Variants in DCLK2 observed in about 807,000 individuals in gnomAD.
DCLK2 encodes the protein doublecortin like kinase 2, also known as serine/threonine-protein kinase DCLK2.
A neutral mutation model predicts 78.4 loss-of-function variants in DCLK2; 31 were observed. The ratio of observed to expected loss-of-function variants is 0.40; its 90% confidence interval spans 0.30 to 0.53. The LOEUF (loss-of-function observed/expected upper bound fraction) is 0.53, where lower values mean the gene tolerates loss of function less well. DCLK2 is among the 20% of genes least tolerant of loss of function. DCLK2 has a pLI of 0.61. For missense variants in DCLK2, 872 were observed against 973.7 expected, an observed-to-expected ratio of 0.90 and a Z score of 1.39; for synonymous variants, 407 against 374.9, an observed-to-expected ratio of 1.09 and a Z score of -0.99.
chr4:150,088,623 A>G (rs1729817812), intron 1 of DCLK2, among the ~76,000 whole-genome samples: 1 of 152,160 alleles, frequency 6.6e-6, no homozygotes, highest in African/African-American at 2.4e-5. Flanking sequence ...GATGATGGTC[A>G]TGCTTTCCTC....
intron 5 of DCLK2, among the ~76,000 whole-genome samples, chr4:150,216,730 C>T (rs530946667): frequency 1.1e-4 from 16 of 152,248 alleles, no homozygotes; most frequent in African/African-American, 3.6e-4. Flanking sequence ...AGAGAAGTGA[C>T]GAGGTGGTGC....
chr4:150,183,417 A>G (rs1207106007), intron 2 of DCLK2, among the ~76,000 whole-genome samples: 1 of 152,238 alleles, frequency 6.6e-6, no homozygotes, highest in Non-Finnish European at 1.5e-5. Flanking sequence ...TAATAATAAA[A>G]GAGATTTAAT....
chr4:150,157,489 T>TTTTGTTTG lies in DCLK2; in HGVS notation c.757-35617_757-35610dup, dbSNP rs140147570. ...TTTGTATTTTTTGTAGAGATGGTTT[T>TTTTGTTTG]TTTGTTTGTTTGTTTGTTTGTTTGT... On this transcript the variant is annotated intron_variant, in intron 2 of 15. Transcript: ENST00000296550. 1.7e-3 allele frequency among the ~76,000 whole-genome samples: 170 copies of TTTTGTTTG among 98,908 alleles called. 2 individuals carry two copies. Among genetic ancestry groups the TTTTGTTTG allele is most frequent in the South Asian group, 0.013 (45 of 3,580 alleles). 64.9% of individuals were successfully genotyped at this position (98,908 alleles called of 152,430 possible). A position where few individuals can be genotyped will look rare whatever the true frequency, so the allele number is the denominator to read the frequency against.
At chr4:150,218,952 C>T (rs527388941) in intron 5 of DCLK2, among the ~76,000 whole-genome samples, 2 of 152,264 alleles carry the variant, frequency 1.3e-5, no homozygotes, top group South Asian at 2.1e-4. Context: ...GCCTGTAATC[C>T]CAGCACTTTG....
Position 150,078,871 on chromosome 4 carries a change from C to G in DCLK2, c.-157C>G. 4.1e-6 allele frequency: 4 copies of G among 986,736 alleles called. No individual in the cohort carries two copies. The highest frequency in any genetic ancestry group is 5.6e-6 in the Non-Finnish European group (4 of 717,244). The allele number at this position is 986,736 out of a possible 1,614,324, so 61.1% of individuals were successfully genotyped here. A position where few individuals can be genotyped will look rare whatever the true frequency, so the allele number is the denominator to read the frequency against. ...GAGGGCGCGGGCGGGTCGGCTCCTC[C>G]GCGGCTCCTCGGCCCCACCTGCGCG... On this transcript the variant is annotated 5_prime_UTR_variant, in exon 1 of 16. Transcript: ENST00000296550.
At chr4:150,095,333 C>T (rs770510727) in intron 1 of DCLK2, among the ~76,000 whole-genome samples, 3 of 152,172 alleles carry the variant, frequency 2.0e-5, no homozygotes, top group Non-Finnish European at 2.9e-5. Context: ...CATCCCTAAT[C>T]GATATAGTTT....
intron 2 of DCLK2, among the ~76,000 whole-genome samples, chr4:150,134,221 C>T (rs1733533076): frequency 6.6e-6 from 1 of 150,888 alleles, no homozygotes; most frequent in African/African-American, 2.4e-5. Context: ...GCTGGGATTA[C>T]AGGCACCCGC....
At chr4:150,170,537 C>T (rs554598730) in intron 2 of DCLK2, among the ~76,000 whole-genome samples, 3 of 152,194 alleles carry the variant, frequency 2.0e-5, no homozygotes, top group Admixed American at 2.0e-4. Context: ...GTAGGGGAAA[C>T]GAGGAGGATA....
chr4:150,173,444 G>T (rs930129902), intron 2 of DCLK2, among the ~76,000 whole-genome samples: 1 of 152,140 alleles, frequency 6.6e-6, no homozygotes, highest in Non-Finnish European at 1.5e-5. Context: ...TGCTCTTTCA[G>T]AGTGTCACCA....
intron 10 of DCLK2, among the ~76,000 whole-genome samples, chr4:150,236,082 G>C (rs1017327203): frequency 6.6e-6 from 1 of 152,182 alleles, no homozygotes; most frequent in African/African-American, 2.4e-5. Context: ...TCATTAAGTT[G>C]ACATTTTATT....
In DCLK2 at chr4:150,079,022, G is replaced by C; in HGVS notation, c.-6G>C. ...TCTTTTTGCGGACGCCCTCGGAGCAGCCGCGATGGCCAGCACCAGGAGTAT... is the reference window on the plus strand; with the variant it reads ...TCTTTTTGCGGACGCCCTCGGAGCACCCGCGATGGCCAGCACCAGGAGTAT... On this transcript the variant is annotated 5_prime_UTR_variant, in exon 1 of 16. Coordinates refer to ENST00000296550, the MANE Select transcript of DCLK2 (RefSeq NM_001040260.4). The C allele has an allele frequency of 6.6e-7, 1 of 1,525,498 alleles. No individual in the cohort carries two copies. The highest frequency in any genetic ancestry group is 2.3e-5 in the East Asian group (1 of 43,686). The allele number at this position is 1,525,498 out of a possible 1,614,324, so 94.5% of individuals were successfully genotyped here. A position where few individuals can be genotyped will look rare whatever the true frequency, so the allele number is the denominator to read the frequency against.
chr4:150,126,552 A>C (rs534251090), intron 2 of DCLK2, among the ~76,000 whole-genome samples: 1 of 152,348 alleles, frequency 6.6e-6, no homozygotes, highest in South Asian at 2.1e-4. Context: ...ATTTGGAAGA[A>C]TATCTCAGGA....
intron 2 of DCLK2, among the ~76,000 whole-genome samples, chr4:150,147,133 AAAAAT>A (rs1734533820): frequency 6.6e-6 from 1 of 152,092 alleles, no homozygotes; most frequent in South Asian, 2.1e-4. Context: ...AAAAAAAATA[AAAAAT>A]AAAAAAGATA....
Position 150,256,924 on chromosome 4 carries a change from C to T in DCLK2, c.*677C>T, listed in dbSNP as rs901681750. 3 of 152,278 alleles carry T rather than the reference C, an allele frequency of 2.0e-5. No homozygotes were observed. Among genetic ancestry groups the T allele is most frequent in the African/African-American group, 4.8e-5 (2 of 41,466 alleles). The allele number at this position is 152,278 out of a possible 1,614,324, so 9.4% of individuals were successfully genotyped here. A position where few individuals can be genotyped will look rare whatever the true frequency, so the allele number is the denominator to read the frequency against. On this transcript the variant is annotated 3_prime_UTR_variant, in exon 16 of 16. Transcript: ENST00000296550. Reference sequence around the variant, plus strand: ...CTCCCCAGAGACAATGCTCAGTATTCATTCATACACAGACGATGGAAGAAG... The same window carrying T: ...CTCCCCAGAGACAATGCTCAGTATTTATTCATACACAGACGATGGAAGAAG...
At chr4:150,182,774 T>C (rs563035400) in intron 2 of DCLK2, among the ~76,000 whole-genome samples, 11 of 152,324 alleles carry the variant, frequency 7.2e-5, no homozygotes, top group Admixed American at 2.0e-4. Context: ...ATTAAAAGCC[T>C]ATAGAGTATT....
rs1742897669 is a variant in DCLK2 at position 150,241,104 on chromosome 4, C to T, written c.1778+628C>T. Among the ~76,000 whole-genome samples the T allele has an allele frequency of 2.0e-5, 3 of 152,182 alleles. No homozygotes were observed. In the South Asian group the frequency reaches 6.2e-4, roughly 32 times the overall value. ...GGCAGCAGTTTTTATATCCTCTTTC[C>T]AAGCATTCAAGTTTGTTCTCATAGA... On this transcript the variant is annotated intron_variant, in intron 12 of 15. Coordinates refer to ENST00000296550, the MANE Select transcript of DCLK2 (RefSeq NM_001040260.4).
At chr4:150,178,979 A>AG (rs1737290116) in intron 2 of DCLK2, among the ~76,000 whole-genome samples, 1 of 152,206 alleles carries the variant, frequency 6.6e-6, no homozygotes, top group South Asian at 2.1e-4. Flanking sequence ...CACGATGCCA[A>AG]GGGAGGGAAA....
chr4:150,225,958 CAG>C (rs1270738054), intron 8 of DCLK2, among the ~76,000 whole-genome samples: 1 of 152,066 alleles, frequency 6.6e-6, no homozygotes, highest in Admixed American at 6.5e-5. Flanking sequence ...CCATGGAAAA[CAG>C]AGAAGTGCTA....
chr4:150,246,245 C>G (rs1743298629), intron 12 of DCLK2, among the ~76,000 whole-genome samples: 1 of 152,104 alleles, frequency 6.6e-6, no homozygotes. Context: ...CAGGGTTTCA[C>G]CAAGTTGGTC....
Sources: allele counts gnomAD v4.1 joint callset (sites outside exome capture counted in the v4.1 genomes callset), GRCh38; gene constraint gnomAD v4.1.1; transcripts MANE v1.5; gene names NCBI Gene and HGNC (gene_info 2026-07-23, HGNC 2026-07-21).